MMP3: variants seen among roughly 807,000 people sequenced by gnomAD.
MMP3 encodes the protein matrix metallopeptidase 3.
Under a neutral mutation model 47.3 loss-of-function variants are expected in MMP3, and 46 were observed. The ratio of observed to expected loss-of-function variants is 0.97; its 90% confidence interval spans 0.77 to 1.24. The LOEUF (loss-of-function observed/expected upper bound fraction) is 1.24. Among genes scored for constraint, MMP3 ranks in the 50% most tolerant of loss-of-function variants. MMP3 has a pLI of 0.00. For synonymous variants in MMP3, 216 were observed against 206.5 expected, an observed-to-expected ratio of 1.05 and a Z score of -0.39; for missense variants, 558 against 565.5, an observed-to-expected ratio of 0.99 and a Z score of 0.13.
rs371878045 is a variant in MMP3 at position 102,842,296 on chromosome 11, T to G, written c.500-17A>C. On this transcript the variant is annotated splice_polypyrimidine_tract_variant and intron_variant, in intron 3 of 9. Coordinates refer to ENST00000299855, the MANE Select transcript of MMP3 (RefSeq NM_002422.5). ...CTCCATGTTCTAGTAGGAAAAAAAT[T>G]TATTGGAAAGATATGTAACAAGGAT... The G allele has an allele frequency of 6.9e-6, 11 of 1,593,542 alleles. No individual in the cohort carries two copies. The highest frequency in any genetic ancestry group is 1.4e-5 in the African/African-American group (1 of 73,550).
At chr11:102,842,021 A>G in intron 4 of MMP3, 133 bp downstream of exon 4, 2 of 874,160 alleles carry the variant, frequency 2.3e-6, no homozygotes, top group Non-Finnish European at 3.1e-6. Flanking sequence ...ATTAAAACAA[A>G]AATATATTCT....
chr11:102,841,712 G>GAA (rs34093618), intron 4 of MMP3, among the ~76,000 whole-genome samples: 147 of 122,244 alleles, frequency 1.2e-3, no homozygotes, highest in Admixed American at 2.2e-3. Context: ...GCCTCAGCCA[G>GAA]AAAAAAAAAA....
intron 6 of MMP3, among the ~76,000 whole-genome samples, chr11:102,839,831 C>T (rs1182286077): frequency 1.3e-5 from 2 of 152,028 alleles, no homozygotes; most frequent in Admixed American, 6.6e-5. Flanking sequence ...AATTATTATT[C>T]GAAAGATCTA....
At position 102,837,270 on chromosome 11, in the gene MMP3, A is replaced by G; in HGVS notation, c.1333+28T>C. 1 of 1,504,462 alleles carries G rather than the reference A, an allele frequency of 6.6e-7. No homozygotes were observed. The highest frequency in any genetic ancestry group is 9.2e-7 in the Non-Finnish European group (1 of 1,081,742). The allele number at this position is 1,504,462 out of a possible 1,614,324, so 93.2% of individuals were successfully genotyped here. On this transcript the variant is annotated intron_variant, in intron 9 of 9. Transcript: ENST00000299855. The surrounding 1 kb of genome is among the most constrained non-coding windows in gnomAD (Gnocchi z 4.4). The stretch of plus-strand genomic sequence containing the variant: ...TATCATAAAATGTTTCAAGTGCTCT[A>G]TGGCCAACACAGTAAGTATCCTCTT...
chr11:102,838,013 A>G lies in MMP3; in HGVS notation c.1229+538T>C, dbSNP rs1858915442. 2.0e-5 allele frequency among the ~76,000 whole-genome samples: 3 copies of G among 152,288 alleles called. No homozygotes were observed. In the South Asian group the frequency reaches 6.2e-4, roughly 32 times the overall value. ...GCTATTGATCATCATCTCTTAAATG[A>G]GCCATCATTATCAGGTAGAGGTGAC... On this transcript the variant is annotated intron_variant, in intron 8 of 9. Coordinates refer to ENST00000299855, the MANE Select transcript of MMP3 (RefSeq NM_002422.5).
chr11:102,839,328 C>G, intron 6 of MMP3, 85 bp from the exon 7 acceptor site: 2 of 1,489,950 alleles, frequency 1.3e-6, no homozygotes, highest in Non-Finnish European at 1.9e-6. Flanking sequence ...CCTCACCCAG[C>G]TTCCCCCATT....
In MMP3 at chr11:102,842,816, T is replaced by A. The variant is rs782511984; in HGVS notation, c.206A>T (p.Lys69Met). Residue 69 changes from lysine to methionine, a missense_variant, in exon 2 of 10, where the codon AAG becomes ATG. Physicochemically the swap from Lys to Met is moderately conservative, Grantham distance 95. Coordinates refer to ENST00000299855, the MANE Select transcript of MMP3 (RefSeq NM_002422.5). ...CCCCGTCACCTCCAATCCAAGGAACTTCTGCATTTCTCGGATTTTTTTAAC... is the reference window on the plus strand; with the variant it reads ...CCCCGTCACCTCCAATCCAAGGAACATCTGCATTTCTCGGATTTTTTTAAC... ...PVVKKIREMQ[K>M]FLGLEVTGKL... 6.2e-7 allele frequency: 1 copy of A among 1,613,966 alleles called. No individual in the cohort carries two copies. The highest frequency in any genetic ancestry group is 1.1e-5 in the South Asian group (1 of 91,076).
In MMP3 at chr11:102,843,580, T is replaced by C. The variant is rs1555005974; in HGVS notation, c.-34A>G. On this transcript the variant is annotated 5_prime_UTR_variant, in exon 1 of 10. The change creates a new upstream start codon in the 5' untranslated region. Transcript: ENST00000299855. The stretch of plus-strand genomic sequence containing the variant: ...GCTTTACTTAGCTCTATGTTGTCTC[T>C]ATGCCTTGCTGTCTTGCCTGCCTCC... 1 of 1,559,042 alleles carries C rather than the reference T, an allele frequency of 6.4e-7. No individual in the cohort carries two copies. Among genetic ancestry groups the C allele is most frequent in the Non-Finnish European group, 8.8e-7 (1 of 1,136,366 alleles).
intron 1 of MMP3, 93 bp downstream of exon 1, chr11:102,843,349 C>G (rs1333025789): frequency 2.7e-5 from 23 of 858,026 alleles, no homozygotes; most frequent in Non-Finnish European, 4.3e-5. Flanking sequence ...ACACAGTAAG[C>G]TCAAGCATTC....
intron 6 of MMP3, among the ~76,000 whole-genome samples, chr11:102,839,535 A>C (rs1858955285): frequency 6.6e-6 from 1 of 152,238 alleles, no homozygotes; most frequent in Non-Finnish European, 1.5e-5. Flanking sequence ...AATGTATGCA[A>C]AACAGTGCGT....
chr11:102,842,181 C>G lies in MMP3; in HGVS notation c.598G>C (p.Asp200His). ...GINGDAHFDD[D>H]EQWTKDTTGT... Reference sequence around the variant, plus strand: ...GTTGTATCCTTTGTCCATTGTTCATCATCATCAAAGTGGGCATCTCCATTA... The same window carrying G: ...GTTGTATCCTTTGTCCATTGTTCATGATCATCAAAGTGGGCATCTCCATTA... The change falls in exon 4 of 10, where the codon GAT becomes CAT. Residue 200 changes from aspartate to histidine, a missense_variant. Coordinates refer to ENST00000299855, the MANE Select transcript of MMP3 (RefSeq NM_002422.5). The G allele has an allele frequency of 6.2e-7, 1 of 1,610,748 alleles. No homozygotes were observed. The highest frequency in any genetic ancestry group is 1.3e-5 in the African/African-American group (1 of 74,916).
In MMP3 at chr11:102,838,635, G is replaced by A. The variant is rs1555004944; in HGVS notation, c.1145C>T (p.Pro382Leu). Residue 382 changes from proline (P) to leucine (L), a missense_variant, in exon 8 of 10, where the codon CCT becomes CTT. Coordinates refer to ENST00000299855, the MANE Select transcript of MMP3 (RefSeq NM_002422.5). ...YPRGIHTLGF[P>L]PTVRKIDAAI... ...TGCATCGATTTTCCTCACGGTTGGAGGGAAACCTAGGGTGTGGATGCCTCT... is the reference window on the plus strand; with the variant it reads ...TGCATCGATTTTCCTCACGGTTGGAAGGAAACCTAGGGTGTGGATGCCTCT... 6.2e-7 allele frequency: 1 copy of A among 1,613,402 alleles called. No homozygotes were observed. Among genetic ancestry groups the A allele is most frequent in the African/African-American group, 1.3e-5 (1 of 74,908 alleles).
intron 6 of MMP3, among the ~76,000 whole-genome samples, 163 bp downstream of exon 6, chr11:102,839,945 T>G (rs1555005163): frequency 1.3e-5 from 2 of 152,182 alleles, no homozygotes; most frequent in Non-Finnish European, 2.9e-5. Flanking sequence ...CCTGACAATT[T>G]TAGGAAAATG....
In MMP3 at chr11:102,840,133, C is replaced by A. The variant is rs528818883; in HGVS notation, c.910G>T (p.Gly304Ter). The A allele has an allele frequency of 1.1e-5, 18 of 1,613,680 alleles. No individual in the cohort carries two copies. The South Asian group carries it at 1.9e-4, about 17-fold the overall frequency. Residue 304 changes from glycine to a stop codon, truncating the protein, a stop_gained, in exon 6 of 10, where the codon GGA becomes TGA. Coordinates refer to ENST00000299855, the MANE Select transcript of MMP3 (RefSeq NM_002422.5). LOFTEE classifies it high-confidence loss of function. Reference sequence around the variant, plus strand: ...CTGTCTTTAAAGATCAGGATTTCTCCCCTCAGAGTGCTGACAGCATCAAAG... The same window carrying A: ...CTGTCTTTAAAGATCAGGATTTCTCACCTCAGAGTGCTGACAGCATCAAAG... ...LSFDAVSTLR[G>*]EILIFKDRHF...
Position 102,840,571 on chromosome 11 carries a change from A to G in MMP3, c.648T>C (p.Ala216=), listed in dbSNP as rs1858978311. ...CCAGGGAGTGGCCAATTTCATGAGC[A>G]GCAACGAGAAATAAATTGGTCCCTA... ...DTTGTNLFLV[A]AHEIGHSLGL... is the part of the protein sequence containing the mutation. Residue 216 remains alanine (A), a synonymous_variant, in exon 5 of 10, where the codon GCT becomes GCC. Coordinates refer to ENST00000299855, the MANE Select transcript of MMP3 (RefSeq NM_002422.5). The G allele has an allele frequency of 1.9e-6, 3 of 1,612,716 alleles. No individual in the cohort carries two copies. In the South Asian group the frequency reaches 3.3e-5, roughly 18 times the overall value.
Position 102,835,937 on chromosome 11 carries a change from G to A in MMP3, c.*189C>T. ...GTGACAAGGTGCAAGCTAAGCAGCAGCCCATTTGAATGCCCTGTAATAACA... is the reference window on the plus strand; with the variant it reads ...GTGACAAGGTGCAAGCTAAGCAGCAACCCATTTGAATGCCCTGTAATAACA... On this transcript the variant is annotated 3_prime_UTR_variant, in exon 10 of 10. Transcript: ENST00000299855. 1 of 548,816 alleles carries A rather than the reference G, an allele frequency of 1.8e-6. No homozygotes were observed. The highest frequency in any genetic ancestry group is 3.3e-6 in the Non-Finnish European group (1 of 305,198). 34.0% of individuals were successfully genotyped at this position (548,816 alleles called of 1,614,324 possible).
chr11:102,842,315 C>T lies in MMP3; in HGVS notation c.500-36G>A, dbSNP rs3020919. On this transcript the variant is annotated intron_variant, in intron 3 of 9. Coordinates refer to ENST00000299855, the MANE Select transcript of MMP3 (RefSeq NM_002422.5). The stretch of plus-strand genomic sequence containing the variant: ...AAAAATTTATTGGAAAGATATGTAA[C>T]AAGGATCCCTTTTGAGCCTTTTCCA... The T allele has an allele frequency of 0.22, 343,084 of 1,582,256 alleles. 38,734 individuals are homozygous for T. Among genetic ancestry groups the T allele is most frequent in the Middle Eastern group, 0.27 (1,606 of 5,886 alleles).
Position 102,842,268 on chromosome 11 carries a change from A to G in MMP3, c.511T>C (p.Phe171Leu), listed in dbSNP as rs782223398. 2 of 1,603,568 alleles carry G rather than the reference A, an allele frequency of 1.2e-6. No homozygotes were observed. Among genetic ancestry groups the G allele is most frequent in the South Asian group, 2.3e-5 (2 of 88,804 alleles). Residue 171 changes from phenylalanine to leucine, a missense_variant, in exon 4 of 10, where the codon TTT (phenylalanine) becomes CTT (leucine). By Grantham distance (22) the Phe-to-Leu change is conservative. Coordinates refer to ENST00000299855, the MANE Select transcript of MMP3 (RefSeq NM_002422.5). ...ISFAVREHGD[F>L]YPFDGPGNVL... The stretch of plus-strand genomic sequence containing the variant: ...TTTCCAGGTCCATCAAAAGGGTAAA[A>G]GTCTCCATGTTCTAGTAGGAAAAAA...
At position 102,842,404 on chromosome 11, in the gene MMP3, C is replaced by CTTTTTT. The variant is rs11418340; in HGVS notation, c.499+21_499+26dup. On this transcript the variant is annotated intron_variant, in intron 3 of 9. Coordinates refer to ENST00000299855, the MANE Select transcript of MMP3 (RefSeq NM_002422.5). ...GTGTTTTTTGTTTTGTTTTGTTTTG[C>CTTTTTT]TTTTTTTTTTTTTTTTTTTTTTTTA... The CTTTTTT allele has an allele frequency of 7.1e-3, 5,768 of 807,488 alleles. 64 individuals are homozygous for CTTTTTT. The highest frequency in any genetic ancestry group is 0.012 in the African/African-American group (389 of 33,706). The allele number at this position is 807,488 out of a possible 1,614,324, so 50.0% of individuals were successfully genotyped here. A position where few individuals can be genotyped will look rare whatever the true frequency, so the allele number is the denominator to read the frequency against.
Sources: allele counts gnomAD v4.1 joint callset (sites outside exome capture counted in the v4.1 genomes callset), GRCh38; gene constraint gnomAD v4.1.1; non-coding constraint Gnocchi (gnomAD v3.1); transcripts MANE v1.5; gene names NCBI Gene and HGNC (gene_info 2026-07-23, HGNC 2026-07-21).